SLC24A2: variants seen among roughly 807,000 people sequenced by gnomAD.
The protein encoded by SLC24A2 is solute carrier family 24 member 2.
Under a neutral mutation model 62.0 loss-of-function variants are expected in SLC24A2, and 36 were observed. That is an observed-to-expected ratio of 0.58 (90% CI 0.44 to 0.77). The LOEUF is 0.77. SLC24A2 is among the 30% of genes least tolerant of loss of function. The pLI is 0.00. For missense variants in SLC24A2, 846 were observed against 817.9 expected, an observed-to-expected ratio of 1.03 and a Z score of -0.42; for synonymous variants, 358 against 294.0, an observed-to-expected ratio of 1.22 and a Z score of -2.23.
chr9:20,096,446 T>C, the SLC24A2 span, among the ~76,000 whole-genome samples: 3 of 152,188 alleles, frequency 2.0e-5, no homozygotes, highest in Non-Finnish European at 4.4e-5. Flanking sequence ...TCAATTATCT[T>C]TCCTGTCATC....
At chr9:19,571,597 C>T (rs544325780) in intron 7 of SLC24A2, among the ~76,000 whole-genome samples, 1 of 152,322 alleles carries the variant, frequency 6.6e-6, no homozygotes, top group East Asian at 1.9e-4. Flanking sequence ...ATTAGAACTG[C>T]AGACTCTAGG....
At chr9:19,681,767 C>T (rs1047861524) in intron 2 of SLC24A2, among the ~76,000 whole-genome samples, 2 of 152,190 alleles carry the variant, frequency 1.3e-5, no homozygotes, top group Non-Finnish European at 2.9e-5. Flanking sequence ...GCTTGGCTGT[C>T]ATCTTTGTTC....
chr9:20,051,887 C>T, the SLC24A2 span, among the ~76,000 whole-genome samples: 56 of 152,046 alleles, frequency 3.7e-4, 1 homozygote, highest in African/African-American at 1.3e-3. Context: ...GGTCTTTTCT[C>T]TGGGCTGGTT....
At chr9:19,659,910 T>G (rs1819047062) in intron 2 of SLC24A2, among the ~76,000 whole-genome samples, 1 of 152,318 alleles carries the variant, frequency 6.6e-6, no homozygotes, top group South Asian at 2.1e-4. Flanking sequence ...TGCTGACCTC[T>G]ATTACCATCA....
the SLC24A2 span, among the ~76,000 whole-genome samples, chr9:19,885,803 C>T: frequency 5.3e-5 from 8 of 152,202 alleles, no homozygotes; most frequent in South Asian, 8.3e-4. Context: ...TATCTACCCA[C>T]GTGTTCTCAT....
At chr9:20,203,553 C>A in the SLC24A2 span, among the ~76,000 whole-genome samples, 1 of 152,136 alleles carries the variant, frequency 6.6e-6, no homozygotes, top group Non-Finnish European at 1.5e-5. Context: ...TAATTCAAAA[C>A]CTCTTCTTGG....
chr9:20,128,703 A>G, the SLC24A2 span, among the ~76,000 whole-genome samples: 5 of 152,106 alleles, frequency 3.3e-5, no homozygotes, highest in Non-Finnish European at 5.9e-5. Context: ...AGACCGCTCA[A>G]TGGGGAAAGA....
chr9:20,250,382 G>A, the SLC24A2 span, among the ~76,000 whole-genome samples: 1 of 152,150 alleles, frequency 6.6e-6, no homozygotes, highest in Admixed American at 6.5e-5. Context: ...CCCCCATCTG[G>A]TGTTCATGGC....
the SLC24A2 span, among the ~76,000 whole-genome samples, chr9:20,022,253 A>C: frequency 6.6e-6 from 1 of 152,196 alleles, no homozygotes; most frequent in Admixed American, 6.5e-5. Flanking sequence ...ACCATATACC[A>C]CAAACAGGTA....
chr9:19,624,650 T>A (rs1181019342), intron 2 of SLC24A2, among the ~76,000 whole-genome samples: 1 of 152,182 alleles, frequency 6.6e-6, no homozygotes, highest in African/African-American at 2.4e-5. Context: ...GTTGACATCA[T>A]TCGTTTTCTT....
intron 8 of SLC24A2, among the ~76,000 whole-genome samples, chr9:19,542,737 T>C (rs1358573487): frequency 1.3e-5 from 2 of 152,182 alleles, no homozygotes; most frequent in African/African-American, 4.8e-5. Context: ...ATGGATTACA[T>C]TTATTGATTT....
intron 2 of SLC24A2, among the ~76,000 whole-genome samples, chr9:19,662,262 T>C (rs1160236429): frequency 6.6e-6 from 1 of 152,202 alleles, no homozygotes; most frequent in Non-Finnish European, 1.5e-5. Flanking sequence ...TAATGAGATA[T>C]GAGATATTTA....
the SLC24A2 span, among the ~76,000 whole-genome samples, chr9:20,115,448 C>T: frequency 4.6e-5 from 7 of 152,006 alleles, no homozygotes; most frequent in Admixed American, 4.6e-4. Flanking sequence ...TTAGAAAGAC[C>T]CTGATTCTGA....
the SLC24A2 span, among the ~76,000 whole-genome samples, chr9:20,184,645 G>A: frequency 6.6e-6 from 1 of 152,160 alleles, no homozygotes; most frequent in Admixed American, 6.5e-5. Context: ...CCCTTGCATA[G>A]GCTGATGGGA....
the SLC24A2 span, among the ~76,000 whole-genome samples, chr9:20,019,129 G>A: frequency 9.6e-6 from 1 of 104,640 alleles, no homozygotes; most frequent in African/African-American, 4.1e-5. Context: ...AAGAAAGAAA[G>A]AAAGAAAGAA....
At chr9:19,836,829 A>G in the SLC24A2 span, among the ~76,000 whole-genome samples, 2 of 152,240 alleles carry the variant, frequency 1.3e-5, no homozygotes, top group East Asian at 1.9e-4. Flanking sequence ...AAAATCCTCA[A>G]TAAAATACTG....
chr9:20,277,163 G>T, the SLC24A2 span, among the ~76,000 whole-genome samples: 1 of 152,158 alleles, frequency 6.6e-6, no homozygotes, highest in Non-Finnish European at 1.5e-5. Flanking sequence ...TACCATTCAG[G>T]ACATAGGCAT....
chr9:19,817,076 A>C, the SLC24A2 span, among the ~76,000 whole-genome samples: 2 of 152,158 alleles, frequency 1.3e-5, no homozygotes, highest in Non-Finnish European at 1.5e-5. Context: ...ACAATTTCAC[A>C]TCTGGTGTAC....
At chr9:20,236,745 G>A in the SLC24A2 span, among the ~76,000 whole-genome samples, 1 of 152,098 alleles carries the variant, frequency 6.6e-6, no homozygotes, top group Non-Finnish European at 1.5e-5. Flanking sequence ...GCCTTCCCCA[G>A]CCCTGAAAAG....
Sources: allele counts gnomAD v4.1 joint callset (sites outside exome capture counted in the v4.1 genomes callset), GRCh38; gene constraint gnomAD v4.1.1; transcripts MANE v1.5; gene names NCBI Gene and HGNC (gene_info 2026-07-23, HGNC 2026-07-21).